The following PAPOLA variants were observed in gnomAD, a reference collection of about 807,000 sequenced individuals.
PAPOLA encodes poly(A) polymerase alpha, also known as polynucleotide adenylyltransferase alpha.
PAPOLA carries 15 observed loss-of-function variants against 100.6 expected under a neutral mutation model. That is an observed-to-expected ratio of 0.15 (90% CI 0.10 to 0.23). The LOEUF (loss-of-function observed/expected upper bound fraction) is 0.23. Among genes scored for constraint, PAPOLA ranks in the 10% least tolerant of loss-of-function variants. The pLI, the probability that PAPOLA is intolerant of heterozygous loss-of-function variation, is 1.00. For missense variants in PAPOLA, 533 were observed against 884.2 expected, an observed-to-expected ratio of 0.60 and a Z score of 5.04; for synonymous variants, 293 against 300.0, an observed-to-expected ratio of 0.98 and a Z score of 0.24.
chr14:96,558,580 G>C (rs1209755776), intron 19 of PAPOLA, among the ~76,000 whole-genome samples: 1 of 152,070 alleles, frequency 6.6e-6, no homozygotes, highest in Non-Finnish European at 1.5e-5. Context: ...TTAAACTTAA[G>C]TATGGAAAAT....
intron 20 of PAPOLA, among the ~76,000 whole-genome samples, chr14:96,561,019 A>G (rs1375551549): frequency 2.6e-5 from 4 of 152,182 alleles, no homozygotes; most frequent in Non-Finnish European, 5.9e-5. Context: ...GTTATTTCTG[A>G]CTGCAGAAAT....
chr14:96,556,184 G>A lies in PAPOLA; in HGVS notation c.1775G>A (p.Ser592Asn). 1 of 1,613,396 alleles carries A rather than the reference G, an allele frequency of 6.2e-7. No individual in the cohort carries two copies. Among genetic ancestry groups the A allele is most frequent in the Non-Finnish European group, 8.5e-7 (1 of 1,179,420 alleles). Reference sequence around the variant, plus strand: ...TATATTTGCTGCTTAGGTACATCGAGTGAAAGCATTCCTCAAACTGCCACA... The same window carrying A: ...TATATTTGCTGCTTAGGTACATCGAATGAAAGCATTCCTCAAACTGCCACA... ...NSSESSGGTS[S>N]ESIPQTATQP... Residue 592 changes from serine (S) to asparagine (N), a missense_variant, in exon 19 of 22, where the codon AGT becomes AAT. By Grantham distance (46) the Ser-to-Asn change is conservative (BLOSUM62 1). Transcript: ENST00000216277.
intron 2 of PAPOLA, among the ~76,000 whole-genome samples, chr14:96,520,434 G>A (rs1177690432): frequency 6.6e-6 from 1 of 152,104 alleles, no homozygotes; most frequent in Admixed American, 6.5e-5. Context: ...GGAGTGCAAT[G>A]GTGTGATCTT....
At chr14:96,516,054 G>T (rs1018929064) in intron 1 of PAPOLA, among the ~76,000 whole-genome samples, 5 of 152,140 alleles carry the variant, frequency 3.3e-5, no homozygotes, top group African/African-American at 1.2e-4. Context: ...GTTAGAAGGA[G>T]AACAGCAACA....
At chr14:96,560,014 ACT>A (rs775448319) in intron 19 of PAPOLA, among the ~76,000 whole-genome samples, 10 of 152,142 alleles carry the variant, frequency 6.6e-5, no homozygotes, top group Non-Finnish European at 1.3e-4. Context: ...ATTGATCGAT[ACT>A]GTATTAAATC....
chr14:96,558,999 C>T (rs1595560027), intron 19 of PAPOLA, among the ~76,000 whole-genome samples: 1 of 151,780 alleles, frequency 6.6e-6, no homozygotes, highest in Admixed American at 6.6e-5. Context: ...TCCATCCCTC[C>T]CCCACTTTTC....
chr14:96,550,281 A>G (rs2140316954), intron 16 of PAPOLA, among the ~76,000 whole-genome samples: 1 of 152,342 alleles, frequency 6.6e-6, no homozygotes, highest in East Asian at 1.9e-4. Flanking sequence ...TATTTAATAA[A>G]CAGCTATTTA....
intron 16 of PAPOLA, among the ~76,000 whole-genome samples, chr14:96,549,556 T>C (rs1383702070): frequency 6.6e-6 from 1 of 152,166 alleles, no homozygotes; most frequent in Non-Finnish European, 1.5e-5. Context: ...CCAAAAATTT[T>C]CTTCTTAACC....
intron 3 of PAPOLA, among the ~76,000 whole-genome samples, chr14:96,523,821 T>C (rs1898226493): frequency 6.6e-6 from 1 of 151,982 alleles, no homozygotes; most frequent in South Asian, 2.1e-4. Flanking sequence ...TGCGCGCCTG[T>C]AATCCCAGCT....
intron 1 of PAPOLA, among the ~76,000 whole-genome samples, chr14:96,510,812 T>C (rs1465892011): frequency 6.6e-6 from 1 of 152,252 alleles, no homozygotes; most frequent in Non-Finnish European, 1.5e-5. Context: ...ACCATCGTTT[T>C]AATTTCTTAG....
chr14:96,522,116 CTTTTTTT>C (rs754167531), intron 3 of PAPOLA, among the ~76,000 whole-genome samples: 12 of 57,840 alleles, frequency 2.1e-4, no homozygotes, highest in East Asian at 8.7e-4. Flanking sequence ...TTCTTTCTTT[CTTTTTTT>C]TTTTTTTTTT....
chr14:96,534,372 T>C (rs1899337064), intron 9 of PAPOLA, 119 bp from the exon 10 acceptor site: 2 of 1,506,378 alleles, frequency 1.3e-6, no homozygotes, highest in South Asian at 2.7e-5. Flanking sequence ...TAAAACGTTG[T>C]ATGTACCAAG....
chr14:96,538,358 C>T (rs1899707398), intron 12 of PAPOLA, among the ~76,000 whole-genome samples: 1 of 151,958 alleles, frequency 6.6e-6, no homozygotes, highest in Admixed American at 6.6e-5. Context: ...ACTGAACAAA[C>T]CTTAATAATG....
chr14:96,550,362 A>C (rs993071833), intron 16 of PAPOLA, among the ~76,000 whole-genome samples: 28 of 152,284 alleles, frequency 1.8e-4, no homozygotes, highest in African/African-American at 6.7e-4. Flanking sequence ...TTTCCATGAC[A>C]ATATTGATAT....
At chr14:96,502,861 C>T (rs1465413422) in intron 1 of PAPOLA, 2 of 419,734 alleles carry the variant, frequency 4.8e-6, no homozygotes, top group African/African-American at 2.1e-5. Context: ...TCCGGAATTG[C>T]TGGCGGAACC....
At position 96,520,097 on chromosome 14, in the gene PAPOLA, G is replaced by A; in HGVS notation, c.51G>A (p.Gln17=). The A allele has an allele frequency of 6.2e-7, 1 of 1,613,944 alleles. No homozygotes were observed. The highest frequency in any genetic ancestry group is 8.5e-7 in the Non-Finnish European group (1 of 1,179,920). The change falls in exon 2 of 22, where the codon CAG becomes CAA. Residue 17 remains glutamine (Q), a synonymous_variant. Coordinates refer to ENST00000216277, the MANE Select transcript of PAPOLA (RefSeq NM_032632.5). ...GATCACAACAAACACAACCGCCACA[G>A]AAGCACTATGGCATTACTTCTCCTA... is the stretch of plus-strand genomic sequence containing the variant. ...TQGSQQTQPP[Q]KHYGITSPIS...
At chr14:96,544,514 T>G (rs988520114) in intron 15 of PAPOLA, among the ~76,000 whole-genome samples, 41 of 152,198 alleles carry the variant, frequency 2.7e-4, no homozygotes, top group African/African-American at 9.6e-4. Flanking sequence ...ATCCCTAGTC[T>G]GAAAATATGA....
At chr14:96,562,769 ATTCTTTT>A in intron 20 of PAPOLA, 43 bp from the exon 21 acceptor site, 1 of 1,129,154 alleles carries the variant, frequency 8.9e-7, no homozygotes, top group Non-Finnish European at 1.3e-6. Flanking sequence ...ATGTTCTTTT[ATTCTTTT>A]TTAAGTCTCT....
At chr14:96,562,418 T>C (rs1185831988) in intron 20 of PAPOLA, 1 of 152,090 alleles carries the variant, frequency 6.6e-6, no homozygotes, top group East Asian at 1.9e-4. Context: ...TTTAGTAGTA[T>C]TGAATAAGTT....
Sources: allele counts gnomAD v4.1 joint callset (sites outside exome capture counted in the v4.1 genomes callset), GRCh38; gene constraint gnomAD v4.1.1; transcripts MANE v1.5; gene names NCBI Gene and HGNC (gene_info 2026-07-23, HGNC 2026-07-21).